Variants in MFHAS1 observed in about 807,000 individuals in gnomAD.
MFHAS1 encodes malignant fibrous histiocytoma-amplified sequence 1.
MFHAS1 carries 50 observed loss-of-function variants against 70.4 expected under a neutral mutation model. The observed-to-expected ratio is 0.71, with a 90% CI of 0.57 to 0.90. The LOEUF (loss-of-function observed/expected upper bound fraction) is 0.90. MFHAS1 is among the 40% of genes least tolerant of loss of function. The probability of loss-of-function intolerance (pLI) is 0.00; values close to 1 mark genes in which losing one functional copy is unlikely to be tolerated. For synonymous variants in MFHAS1, 952 were observed against 620.0 expected, an observed-to-expected ratio of 1.54 and a Z score of -7.96; for missense variants, 1,795 against 1,347.6, an observed-to-expected ratio of 1.33 and a Z score of -5.20.
At chr8:8,812,989 A>T (rs1388782822) in intron 1 of MFHAS1, among the ~76,000 whole-genome samples, 1 of 152,130 alleles carries the variant, frequency 6.6e-6, no homozygotes, top group Non-Finnish European at 1.5e-5. Context: ...ATGGTCTCAA[A>T]CTTGTGACCT....
chr8:8,818,849 A>G (rs899342310), intron 1 of MFHAS1, among the ~76,000 whole-genome samples: 107 of 151,960 alleles, frequency 7.0e-4, no homozygotes, highest in African/African-American at 2.5e-3. Context: ...CCCACTTCCA[A>G]TGCAGACCTT....
At chr8:8,823,339 C>A (rs1807035902) in intron 1 of MFHAS1, among the ~76,000 whole-genome samples, 1 of 152,028 alleles carries the variant, frequency 6.6e-6, no homozygotes, top group Admixed American at 6.5e-5. Context: ...ACTGTGAAGG[C>A]CCGGTGGGCA....
chr8:8,856,270 C>G (rs1315795161), intron 1 of MFHAS1, among the ~76,000 whole-genome samples: 3 of 152,220 alleles, frequency 2.0e-5, no homozygotes, highest in African/African-American at 7.2e-5. Context: ...CAGGACAGTG[C>G]TGGAGAGATC....
chr8:8,892,856 AGT>A lies in MFHAS1; in HGVS notation c.201_202del (p.Leu68GlufsTer100). 1 of 1,597,074 alleles carries A rather than the reference AGT, an allele frequency of 6.3e-7. No homozygotes were observed. Among genetic ancestry groups the A allele is most frequent in the Non-Finnish European group, 8.5e-7 (1 of 1,172,576 alleles). ...CTCCAGGCCGTTGTTCCCCAGGTTC[AGT>A]GCCTCAATGTCCCCGAGGTTGGCCG... On this transcript the variant is annotated frameshift_variant, in exon 1 of 3. Transcript: ENST00000276282. LOFTEE classifies it high-confidence loss of function. The surrounding 1 kb of genome is among the most constrained non-coding windows in gnomAD (Gnocchi z 4.7).
chr8:8,858,545 C>A lies in MFHAS1; in HGVS notation c.2998+31516G>T, dbSNP rs1037577109. Among the ~76,000 whole-genome samples the A allele has an allele frequency of 3.3e-5, 5 of 152,078 alleles. No individual in the cohort carries two copies. The South Asian group carries it at 1.0e-3, about 32-fold the overall frequency. On this transcript the variant is annotated intron_variant, in intron 1 of 2. Transcript: ENST00000276282. Reference sequence around the variant, plus strand: ...AAACGATTATGCAATGCTATAATTACAACTATATTAAAAATATGCCTTTTG... The same window carrying A: ...AAACGATTATGCAATGCTATAATTAAAACTATATTAAAAATATGCCTTTTG...
intron 1 of MFHAS1, among the ~76,000 whole-genome samples, chr8:8,815,144 G>C (rs1459678745): frequency 2.0e-5 from 3 of 152,120 alleles, no homozygotes; most frequent in Non-Finnish European, 4.4e-5. Context: ...GTGTTAGTTT[G>C]CTGAGGATGA....
chr8:8,871,108 C>A lies in MFHAS1; in HGVS notation c.2998+18953G>T, dbSNP rs940233355. Among the ~76,000 whole-genome samples, 8 of 152,252 alleles carry A rather than the reference C, an allele frequency of 5.3e-5. No homozygotes were observed. In the East Asian group the frequency reaches 1.5e-3, roughly 29 times the overall value. ...AAGCAGCACAGGGTGACAGCAAAGACCATAGGTTCCTGAGGACAACCTGGG... is the reference window on the plus strand; with the variant it reads ...AAGCAGCACAGGGTGACAGCAAAGAACATAGGTTCCTGAGGACAACCTGGG... On this transcript the variant is annotated intron_variant, in intron 1 of 2. Transcript: ENST00000276282.
intron 1 of MFHAS1, among the ~76,000 whole-genome samples, chr8:8,832,260 A>G (rs28870140): frequency 0.13 from 19,302 of 152,156 alleles, 1,290 homozygotes; most frequent in Middle Eastern, 0.16. Flanking sequence ...TTCAAAAGAC[A>G]CTTGAAGAAA....
At chr8:8,837,695 G>C (rs1807650549) in intron 1 of MFHAS1, among the ~76,000 whole-genome samples, 1 of 151,062 alleles carries the variant, frequency 6.6e-6, no homozygotes, top group African/African-American at 2.4e-5. Flanking sequence ...CTTATCATTA[G>C]GAACATGCAA....
Position 8,891,674 on chromosome 8 carries a change from C to T in MFHAS1, c.1385G>A (p.Ser462Asn). The T allele has an allele frequency of 6.2e-7, 1 of 1,613,598 alleles. No individual in the cohort carries two copies. Among genetic ancestry groups the T allele is most frequent in the Non-Finnish European group, 8.5e-7 (1 of 1,180,026 alleles). Reference sequence around the variant, plus strand: ...GCCCCGGGAGGCATCGGCCGTCCAGCTGGTCACCTCGATGCCCTTGCTCAC... The same window carrying T: ...GCCCCGGGAGGCATCGGCCGTCCAGTTGGTCACCTCGATGCCCTTGCTCAC... ...PPVSKGIEVTSWTADASRGLR... is the reference protein window; with the variant it reads ...PPVSKGIEVTNWTADASRGLR... The change falls in exon 1 of 3, where the codon AGC (serine) becomes AAC (asparagine). Residue 462 changes from serine to asparagine, a missense_variant. By Grantham distance (46) the Ser-to-Asn change is conservative (BLOSUM62 1). Transcript: ENST00000276282. The surrounding 1 kb of genome is among the most constrained non-coding windows in gnomAD (Gnocchi z 5.4).
intron 1 of MFHAS1, among the ~76,000 whole-genome samples, chr8:8,888,234 A>C (rs1398756814): frequency 6.6e-6 from 1 of 152,218 alleles, no homozygotes; most frequent in African/African-American, 2.4e-5. Flanking sequence ...ATGCTTAAGA[A>C]TTAAATTCAA....
At chr8:8,829,133 T>C (rs922200803) in intron 1 of MFHAS1, among the ~76,000 whole-genome samples, 1 of 152,170 alleles carries the variant, frequency 6.6e-6, no homozygotes, top group African/African-American at 2.4e-5. Flanking sequence ...AATCAAACTT[T>C]TCAGGGACCC....
intron 1 of MFHAS1, among the ~76,000 whole-genome samples, chr8:8,869,519 T>G (rs1237715841): frequency 6.6e-6 from 1 of 152,132 alleles, no homozygotes; most frequent in Non-Finnish European, 1.5e-5. Flanking sequence ...ATAAAGAACC[T>G]TATTCCTCTG....
chr8:8,871,348 G>A (rs533921768), intron 1 of MFHAS1, among the ~76,000 whole-genome samples: 38 of 152,294 alleles, frequency 2.5e-4, no homozygotes, highest in African/African-American at 8.7e-4. Context: ...TCGGGAGTTT[G>A]AGACCACCCT....
Position 8,891,484 on chromosome 8 carries a change from C to T in MFHAS1, c.1575G>A (p.Ala525=). 6.2e-7 allele frequency: 1 copy of T among 1,613,046 alleles called. No individual in the cohort carries two copies. The highest frequency in any genetic ancestry group is 8.5e-7 in the Non-Finnish European group (1 of 1,180,028). Residue 525 remains alanine, a synonymous_variant, in exon 1 of 3, where the codon GCG becomes GCA. Coordinates refer to ENST00000276282, the MANE Select transcript of MFHAS1 (RefSeq NM_004225.3). The surrounding 1 kb of genome is among the most constrained non-coding windows in gnomAD (Gnocchi z 5.4). ...TGCACACCACCGCGTGGGGCACTCT[C>T]GCCCCGACCCGATGCAAGAAGGAGC... The part of the protein sequence containing the change: ...TVGSFLHRVG[A]RVPHAVVCIV...
chr8:8,793,990 C>T (rs966671731), intron 2 of MFHAS1, among the ~76,000 whole-genome samples: 1 of 152,176 alleles, frequency 6.6e-6, no homozygotes, highest in South Asian at 2.1e-4. Context: ...GAGTTCGAGA[C>T]CAGCCCAGCC....
chr8:8,797,931 C>T (rs1292657585), intron 1 of MFHAS1, among the ~76,000 whole-genome samples: 1 of 152,140 alleles, frequency 6.6e-6, no homozygotes, highest in Non-Finnish European at 1.5e-5. Context: ...TCAACAAAGC[C>T]CTATATAAAT....
chr8:8,814,699 A>G (rs1356075426), intron 1 of MFHAS1, among the ~76,000 whole-genome samples: 1 of 152,204 alleles, frequency 6.6e-6, no homozygotes, highest in African/African-American at 2.4e-5. Flanking sequence ...AATAAATAAA[A>G]TAATTTTTTT....
intron 1 of MFHAS1, among the ~76,000 whole-genome samples, chr8:8,830,009 G>C (rs536346325): frequency 2.6e-5 from 4 of 152,262 alleles, no homozygotes; most frequent in African/African-American, 4.8e-5. Flanking sequence ...CTGGGGTGTG[G>C]CCTGGGATTC....
Sources: gnomAD v4.1 joint callset for allele counts (sites outside exome capture counted in the v4.1 genomes callset) on GRCh38, gnomAD v4.1.1 for gene constraint, Gnocchi (gnomAD v3.1) non-coding constraint, MANE v1.5 for transcripts, NCBI Gene and HGNC (gene_info 2026-07-23, HGNC 2026-07-21) for gene names.